Variants in KCNQ4 observed in about 807,000 individuals in gnomAD.
KCNQ4 encodes the protein potassium voltage-gated channel subfamily KQT member 4.
Under a neutral mutation model 72.6 loss-of-function variants are expected in KCNQ4, and 31 were observed. The ratio of observed to expected loss-of-function variants is 0.43; its 90% CI spans 0.32 to 0.58. KCNQ4 has a LOEUF of 0.58. Ranked by LOEUF, KCNQ4 falls within the 20% of genes least tolerant of loss-of-function variation. The pLI, the probability that KCNQ4 is intolerant of heterozygous loss-of-function variation, is 0.08. For missense variants in KCNQ4, 869 were observed against 962.6 expected (o/e 0.90, Z 1.29); for synonymous variants, 405 against 403.7 (o/e 1.00, Z -0.04).
chr1:40,836,658 T>TA (rs1310570706), intron 12 of KCNQ4, among the ~76,000 whole-genome samples: 2 of 152,096 alleles, frequency 1.3e-5, no homozygotes, highest in Admixed American at 6.6e-5. Context: ...AAGGAGACTG[T>TA]AAAGGAGAGG....
At chr1:40,793,859 AC>A (rs964258740) in intron 1 of KCNQ4, among the ~76,000 whole-genome samples, 1 of 151,254 alleles carries the variant, frequency 6.6e-6, no homozygotes, top group Non-Finnish European at 1.5e-5. Context: ...TATCCCCATT[AC>A]CCCCAGGCTC....
chr1:40,831,318 GGGCTGAGTCCGATCGAGGGCC>G lies in KCNQ4; in HGVS notation c.1513+22_1513+42del. On this transcript the variant is annotated intron_variant, in intron 10 of 13. Transcript: ENST00000347132. ...CCTCTGCTGAGGGTAAGCCCCCGGG[GGGCTGAGTCCGATCGAGGGCC>G]GGCTGAGGGTGGCAGGGCGGGGACA... 6.3e-7 allele frequency: 1 copy of G among 1,576,122 alleles called. No individual in the cohort carries two copies. The highest frequency in any genetic ancestry group is 8.6e-7 in the Non-Finnish European group (1 of 1,159,850).
chr1:40,833,423 A>AT (rs1047030627), intron 11 of KCNQ4, among the ~76,000 whole-genome samples: 8 of 151,786 alleles, frequency 5.3e-5, no homozygotes, highest in African/African-American at 1.5e-4. Context: ...AAAAAAATGT[A>AT]TTTTTTATGG....
chr1:40,825,784 G>A (rs1314213671), intron 9 of KCNQ4, among the ~76,000 whole-genome samples: 2 of 152,154 alleles, frequency 1.3e-5, no homozygotes, highest in Non-Finnish European at 2.9e-5. Flanking sequence ...TGTGCTTCCA[G>A]TTCACTCTGG....
intron 8 of KCNQ4, 62 bp downstream of exon 8, chr1:40,822,464 T>G: frequency 7.5e-7 from 1 of 1,336,052 alleles, no homozygotes; most frequent in Non-Finnish European, 1.1e-6. Flanking sequence ...TGAGGACAAG[T>G]GGCTGAGACT....
rs752503566 is a variant in KCNQ4, at chr1:40,818,202, C to T, written c.444C>T (p.Ile148=). Residue 148 remains isoleucine, a synonymous_variant, in exon 3 of 14, where the codon ATC becomes ATT. Coordinates refer to ENST00000347132, the MANE Select transcript of KCNQ4 (RefSeq NM_004700.4). ...VMIVVFGLEY[I]VRVWSAGCCC... ...TCGTGGTTTTCGGCTTGGAGTACAT[C>T]GTCCGGGTCTGGTCCGCCGGATGCT... 1.7e-5 allele frequency: 28 copies of T among 1,613,910 alleles called. No homozygotes were observed. Among genetic ancestry groups the T allele is most frequent in the Non-Finnish European group, 5.9e-6 (7 of 1,180,040 alleles).
At position 40,788,829 on chromosome 1, in the gene KCNQ4, C is replaced by T. The variant is rs561436930; in HGVS notation, c.314+4422C>T. The stretch of plus-strand genomic sequence containing the variant: ...GTGCAGCCACGTTTTAGTTGTAGAC[C>T]ACGTCACTGCTGCGTACCTGTCTGA... On this transcript the variant is annotated intron_variant, in intron 1 of 13. Transcript: ENST00000347132. This position sits in a 1 kb window ranked among gnomAD's most constrained non-coding sequence, Gnocchi z 4.5. Among the ~76,000 whole-genome samples, 88 of 152,326 alleles carry T rather than the reference C, an allele frequency of 5.8e-4. No individual in the cohort carries two copies. The highest frequency in any genetic ancestry group is 1.3e-4 in the Non-Finnish European group (9 of 68,028).
chr1:40,789,032 A>G (rs1647233469), intron 1 of KCNQ4, among the ~76,000 whole-genome samples: 1 of 152,252 alleles, frequency 6.6e-6, no homozygotes, highest in Admixed American at 6.5e-5. Context: ...CTAGGACAGA[A>G]CAAAGCTTGC....
chr1:40,825,191 C>T (rs988671776), intron 9 of KCNQ4, among the ~76,000 whole-genome samples: 5 of 152,182 alleles, frequency 3.3e-5, no homozygotes, highest in African/African-American at 1.2e-4. Flanking sequence ...CATCTTCACA[C>T]ATCACCCCTG....
intron 12 of KCNQ4, among the ~76,000 whole-genome samples, chr1:40,836,951 C>T (rs746395245): frequency 6.6e-6 from 1 of 152,096 alleles, no homozygotes; most frequent in Non-Finnish European, 1.5e-5. Context: ...AAGAATTTTG[C>T]TGCAAAGGAG....
At chr1:40,787,195 C>A (rs1294078081) in intron 1 of KCNQ4, among the ~76,000 whole-genome samples, 1 of 151,854 alleles carries the variant, frequency 6.6e-6, no homozygotes, top group Non-Finnish European at 1.5e-5. Context: ...CATGGTGAGA[C>A]CCCTGACTCT....
intron 9 of KCNQ4, chr1:40,826,833 C>T: frequency 5.6e-6 from 2 of 354,892 alleles, no homozygotes; most frequent in Non-Finnish European, 1.2e-5. Flanking sequence ...CAGTGAACCC[C>T]TCGCCTTTCT....
chr1:40,808,486 T>TCCAGCTTCATA (rs1414126523), intron 1 of KCNQ4, among the ~76,000 whole-genome samples: 1 of 152,008 alleles, frequency 6.6e-6, no homozygotes, highest in Admixed American at 6.6e-5. Context: ...TCTCCCACCT[T>TCCAGCTTCATA]CCTCTCCCAG....
At chr1:40,812,643 G>A (rs1327627936) in intron 1 of KCNQ4, among the ~76,000 whole-genome samples, 1 of 152,206 alleles carries the variant, frequency 6.6e-6, no homozygotes, top group Non-Finnish European at 1.5e-5. Flanking sequence ...TAGCCAGTGG[G>A]TTAAAGCAGG....
Position 40,817,237 on chromosome 1 carries a change from A to G in KCNQ4, c.315-28A>G. The stretch of plus-strand genomic sequence containing the variant: ...GGCTGTCCTGTCCCTCCAACAATCT[A>G]ACCCTCTCCCTCATGTTGTAATTGC... On this transcript the variant is annotated intron_variant, in intron 1 of 13. Coordinates refer to ENST00000347132, the MANE Select transcript of KCNQ4 (RefSeq NM_004700.4). The surrounding 1 kb of genome is among the most constrained non-coding windows in gnomAD (Gnocchi z 5.5). 5 of 1,545,452 alleles carry G rather than the reference A, an allele frequency of 3.2e-6. No individual in the cohort carries two copies. Among genetic ancestry groups the G allele is most frequent in the Non-Finnish European group, 4.5e-6 (5 of 1,118,642 alleles).
intron 1 of KCNQ4, among the ~76,000 whole-genome samples, chr1:40,792,947 C>T (rs1481715998): frequency 6.6e-6 from 1 of 151,566 alleles, no homozygotes; most frequent in African/African-American, 2.4e-5. Flanking sequence ...GCCACTCCAC[C>T]ATGCTGCCTC....
chr1:40,807,350 T>C (rs1647794842), intron 1 of KCNQ4, among the ~76,000 whole-genome samples: 1 of 152,142 alleles, frequency 6.6e-6, no homozygotes, highest in Admixed American at 6.5e-5. Flanking sequence ...ACAGGGAAAC[T>C]GAGGCTCCAT....
intron 9 of KCNQ4, chr1:40,826,550 G>A: frequency 2.4e-6 from 1 of 413,150 alleles, no homozygotes; most frequent in Non-Finnish European, 5.1e-6. Flanking sequence ...AGCTACCGGA[G>A]GCCGGCCCCA....
chr1:40,825,418 T>C (rs568662905), intron 9 of KCNQ4, among the ~76,000 whole-genome samples: 11 of 152,256 alleles, frequency 7.2e-5, no homozygotes, highest in East Asian at 5.8e-4. Flanking sequence ...TTTAGGCTGA[T>C]TGGGGCTCTG....
Sources: gnomAD v4.1 joint callset for allele counts (sites outside exome capture counted in the v4.1 genomes callset) on GRCh38, gnomAD v4.1.1 for gene constraint, Gnocchi (gnomAD v3.1) non-coding constraint, MANE v1.5 for transcripts, NCBI Gene and HGNC (gene_info 2026-07-23, HGNC 2026-07-21) for gene names.